Variants in OPHN1 observed in about 807,000 individuals in gnomAD.
The protein encoded by OPHN1 is oligophrenin 1.
Under a neutral mutation model 60.7 loss-of-function variants are expected in OPHN1, and 11 were observed. The ratio of observed to expected loss-of-function variants is 0.18; its 90% CI spans 0.11 to 0.30. The LOEUF is 0.30. Among genes scored for constraint, OPHN1 ranks in the 10% least tolerant of loss-of-function variants. The pLI, the probability that OPHN1 is intolerant of heterozygous loss-of-function variation, is 1.00. For missense variants in OPHN1, 449 were observed against 611.0 expected, an observed-to-expected ratio of 0.73 and a Z score of 2.80; for synonymous variants, 226 against 222.6, an observed-to-expected ratio of 1.02 and a Z score of -0.14.
intron 21 of OPHN1, among the ~76,000 whole-genome samples, chrX:68,057,747 T>C (rs148442299): frequency 3.7e-3 from 410 of 111,949 alleles, no homozygotes; most frequent in African/African-American, 0.013. Context: ...TTGCCTCTAA[T>C]GTGTCTCAGT....
At position 68,073,145 on chromosome X, in the gene OPHN1, T is replaced by C; in HGVS notation, c.1834+7A>G. 1 of 1,204,947 alleles carries C rather than the reference T, an allele frequency of 8.3e-7. No homozygotes were observed. The highest frequency in any genetic ancestry group is 1.1e-6 in the Non-Finnish European group (1 of 891,623). On this transcript the variant is annotated splice_region_variant and intron_variant, in intron 20 of 24. Coordinates refer to ENST00000355520, the MANE Select transcript of OPHN1 (RefSeq NM_002547.3). The stretch of plus-strand genomic sequence containing the variant: ...TTCAGAAGCTAAAGGTGAACCTCAG[T>C]ACTGACCTTCGCTTTCATCCAGGGA...
At chrX:68,218,496 A>C (rs1384506597) in intron 6 of OPHN1, among the ~76,000 whole-genome samples, 1 of 109,382 alleles carries the variant, frequency 9.1e-6, no homozygotes, top group African/African-American at 3.3e-5. Context: ...CCAAAGTTGA[A>C]ATGAAGGAAA....
chrX:68,339,812 AG>A (rs1324892854), intron 2 of OPHN1, among the ~76,000 whole-genome samples: 3 of 110,990 alleles, frequency 2.7e-5, no homozygotes, highest in Non-Finnish European at 5.7e-5. Flanking sequence ...CATGTTGGCC[AG>A]GTTGGTCTCA....
intron 2 of OPHN1, among the ~76,000 whole-genome samples, chrX:68,300,407 CTTA>C (rs2078114400): frequency 8.9e-6 from 1 of 112,549 alleles, no homozygotes; most frequent in African/African-American, 3.2e-5. Context: ...TTCAGAAATA[CTTA>C]TTATCAGAAT....
At chrX:68,247,443 G>GGTTTTT (rs1249101649) in intron 5 of OPHN1, among the ~76,000 whole-genome samples, 2 of 111,501 alleles carry the variant, frequency 1.8e-5, no homozygotes, top group Non-Finnish European at 3.8e-5. Context: ...AACAGGCATA[G>GGTTTTT]ACTTAGTTCT....
chrX:68,179,926 A>G (rs1261509037), intron 15 of OPHN1, among the ~76,000 whole-genome samples: 1 of 111,191 alleles, frequency 9.0e-6, no homozygotes, highest in African/African-American at 3.3e-5. Context: ...ACAGTAACTA[A>G]CCCATTCTCA....
chrX:68,118,428 T>C (rs1352118178), intron 16 of OPHN1, among the ~76,000 whole-genome samples: 1 of 111,924 alleles, frequency 8.9e-6, no homozygotes, highest in Non-Finnish European at 1.9e-5. Context: ...AAGATGATGC[T>C]ACAGTAGCAA....
chrX:68,093,815 T>C (rs2077027779), intron 19 of OPHN1, among the ~76,000 whole-genome samples: 1 of 111,354 alleles, frequency 9.0e-6, no homozygotes, highest in Non-Finnish European at 1.9e-5. Flanking sequence ...ATATTAATCC[T>C]TTGTCAGATA....
chrX:68,169,335 T>C (rs1438043569), intron 15 of OPHN1, among the ~76,000 whole-genome samples: 15 of 111,230 alleles, frequency 1.3e-4, no homozygotes, highest in Admixed American at 1.1e-3. Flanking sequence ...GAATCAATAT[T>C]GTGAAAATGG....
intron 5 of OPHN1, among the ~76,000 whole-genome samples, chrX:68,247,313 T>C (rs1602268162): frequency 8.9e-6 from 1 of 112,105 alleles, no homozygotes; most frequent in Admixed American, 9.5e-5. Context: ...GTCTCCAAAG[T>C]ATTTAAGGCC....
At chrX:68,233,516 C>T (rs1213770756) in intron 6 of OPHN1, among the ~76,000 whole-genome samples, 2 of 111,442 alleles carry the variant, frequency 1.8e-5, no homozygotes, top group African/African-American at 6.5e-5. Context: ...GCCTCTCTTA[C>T]GGCTCTGTCA....
chrX:68,431,583 ATTT>A (rs367572189), intron 2 of OPHN1, among the ~76,000 whole-genome samples: 2 of 93,567 alleles, frequency 2.1e-5, no homozygotes, highest in African/African-American at 7.7e-5. Flanking sequence ...TGCCCAGCTA[ATTT>A]TTTTTTTTTT....
intron 15 of OPHN1, among the ~76,000 whole-genome samples, chrX:68,176,955 A>G (rs1212837055): frequency 2.2e-5 from 2 of 92,935 alleles, no homozygotes; most frequent in Non-Finnish European, 4.2e-5. Context: ...TGAACAATAC[A>G]TATTGTTTTT....
intron 5 of OPHN1, among the ~76,000 whole-genome samples, chrX:68,257,612 C>A (rs2077870633): frequency 9.0e-6 from 1 of 111,568 alleles, no homozygotes; most frequent in South Asian, 3.8e-4. Context: ...CTTCCTCTAC[C>A]AACAAAATAT....
At chrX:68,300,133 C>T (rs1225017641) in intron 2 of OPHN1, among the ~76,000 whole-genome samples, 1 of 111,707 alleles carries the variant, frequency 9.0e-6, no homozygotes, top group Non-Finnish European at 1.9e-5. Context: ...ATTTTTGGCT[C>T]TCTTTTCCGA....
At chrX:68,291,112 T>C (rs2147617467) in intron 3 of OPHN1, among the ~76,000 whole-genome samples, 1 of 111,674 alleles carries the variant, frequency 9.0e-6, no homozygotes, top group South Asian at 3.8e-4. Flanking sequence ...TCCAAGACCA[T>C]GTTTCTAAAT....
intron 3 of OPHN1, among the ~76,000 whole-genome samples, chrX:68,297,933 G>C (rs5965536): frequency 0.34 from 37,444 of 110,755 alleles, 8,085 homozygotes; most frequent in African/African-American, 0.81. Flanking sequence ...GTATGTCCAA[G>C]ATACTATTTC....
At position 68,134,206 on chromosome X, in the gene OPHN1, C is replaced by CA. The variant is rs77116807; in HGVS notation, c.1277-14875dup. 1.1e-3 allele frequency among the ~76,000 whole-genome samples: 114 copies of CA among 106,309 alleles called. 1 individual carries two copies. Among genetic ancestry groups the CA allele is most frequent in the South Asian group, 3.3e-3 (8 of 2,430 alleles). 92.3% of individuals were successfully genotyped at this position (106,309 alleles called of 115,157 possible). A position where few individuals can be genotyped will look rare whatever the true frequency, so the allele number is the denominator to read the frequency against. ...TAAATAAATAAATAAAAACAAAAAA[C>CA]AAAAAAAAAATTGCTTGTTCTACAG... On this transcript the variant is annotated intron_variant, in intron 15 of 24. Transcript: ENST00000355520.
intron 5 of OPHN1, among the ~76,000 whole-genome samples, chrX:68,253,897 T>G (rs2077848306): frequency 8.9e-6 from 1 of 111,997 alleles, no homozygotes; most frequent in South Asian, 3.7e-4. Flanking sequence ...ACAGCATTCT[T>G]GCCTTTGCCG....
Sources: gnomAD v4.1 joint callset for allele counts (sites outside exome capture counted in the v4.1 genomes callset) on GRCh38, gnomAD v4.1.1 for gene constraint, MANE v1.5 for transcripts, NCBI Gene and HGNC (gene_info 2026-07-23, HGNC 2026-07-21) for gene names.